Variants in RSU1 observed in about 807,000 individuals in gnomAD.
RSU1 encodes the protein Ras suppressor protein 1.
A neutral mutation model predicts 31.1 loss-of-function variants in RSU1; 26 were observed. The ratio of observed to expected loss-of-function variants is 0.84; its 90% confidence interval spans 0.61 to 1.16. RSU1 has a LOEUF of 1.16. RSU1 is among the 50% of genes most tolerant of loss of function. The pLI, the probability that RSU1 is intolerant of heterozygous loss-of-function variation, is 0.00. For synonymous variants in RSU1, 164 were observed against 136.3 expected (o/e 1.20, Z -1.41); for missense variants, 320 against 339.1 (o/e 0.94, Z 0.44).
intron 7 of RSU1, among the ~76,000 whole-genome samples, chr10:16,724,026 C>T (rs1836334030): frequency 6.6e-6 from 1 of 151,922 alleles, no homozygotes; most frequent in South Asian, 2.1e-4. Context: ...CTGCAACCTC[C>T]ATCTCCCGGG....
chr10:16,682,399 G>A (rs975885473), intron 8 of RSU1, among the ~76,000 whole-genome samples: 1 of 152,096 alleles, frequency 6.6e-6, no homozygotes, highest in Non-Finnish European at 1.5e-5. Flanking sequence ...CCCGATATCT[G>A]GAAAACAAAG....
intron 3 of RSU1, among the ~76,000 whole-genome samples, chr10:16,781,325 C>T (rs1043752679): frequency 1.3e-5 from 2 of 152,120 alleles, no homozygotes; most frequent in East Asian, 1.9e-4. Context: ...TAAGCAGATA[C>T]GTCTACTGTG....
At position 16,695,165 on chromosome 10, in the gene RSU1, GGGAAA is replaced by G; in HGVS notation, c.599-15_599-11del. 1 of 1,430,906 alleles carries G rather than the reference GGGAAA, an allele frequency of 7.0e-7. No individual in the cohort carries two copies. Among genetic ancestry groups the G allele is most frequent in the Non-Finnish European group, 9.4e-7 (1 of 1,068,424 alleles). 88.6% of individuals were successfully genotyped at this position (1,430,906 alleles called of 1,614,324 possible). ...GTTAAATCCAAGTTTCCTGGGGGGG[GGGAAA>G]AAAAAAGTGAAGGTCACTTCATCCA... On this transcript the variant is annotated splice_polypyrimidine_tract_variant and intron_variant, in intron 7 of 8. Coordinates refer to ENST00000345264, the MANE Select transcript of RSU1 (RefSeq NM_012425.4).
intron 8 of RSU1, among the ~76,000 whole-genome samples, chr10:16,594,127 T>C (rs1412431788): frequency 6.6e-6 from 1 of 152,258 alleles, no homozygotes. Context: ...AATTTATGAG[T>C]AATTCTGATT....
chr10:16,677,061 A>G (rs901684423), intron 8 of RSU1, among the ~76,000 whole-genome samples: 24 of 152,176 alleles, frequency 1.6e-4, no homozygotes, highest in African/African-American at 5.8e-4. Context: ...AAGAACCAGA[A>G]AAGTCAAATG....
At chr10:16,778,588 A>T (rs1226233258) in intron 3 of RSU1, among the ~76,000 whole-genome samples, 1 of 152,202 alleles carries the variant, frequency 6.6e-6, no homozygotes, top group East Asian at 1.9e-4. Flanking sequence ...GCCATGCTAG[A>T]GTTAAAGAGT....
intron 8 of RSU1, among the ~76,000 whole-genome samples, chr10:16,686,495 G>C (rs1835442523): frequency 6.6e-6 from 1 of 152,212 alleles, no homozygotes. Context: ...TCCTCTTGAA[G>C]AGAATGTAAC....
chr10:16,773,778 G>C (rs1837472481), intron 3 of RSU1, among the ~76,000 whole-genome samples: 1 of 152,096 alleles, frequency 6.6e-6, no homozygotes, highest in South Asian at 2.1e-4. Context: ...CACAGTGCTG[G>C]TTCAGTTGGA....
intron 8 of RSU1, among the ~76,000 whole-genome samples, chr10:16,594,071 C>T (rs918754321): frequency 2.0e-5 from 3 of 152,168 alleles, no homozygotes; most frequent in African/African-American, 7.2e-5. Context: ...AAGCTGGCTC[C>T]GTGGCTGAGA....
At chr10:16,685,359 A>G (rs1490613474) in intron 8 of RSU1, among the ~76,000 whole-genome samples, 2 of 152,252 alleles carry the variant, frequency 1.3e-5, no homozygotes, top group Admixed American at 1.3e-4. Flanking sequence ...GAAAGAATTC[A>G]GGGCGAGTCC....
intron 7 of RSU1, among the ~76,000 whole-genome samples, chr10:16,712,873 T>C (rs1335070928): frequency 6.6e-6 from 1 of 152,200 alleles, no homozygotes; most frequent in Non-Finnish European, 1.5e-5. Flanking sequence ...GCATTCCTTA[T>C]AAGGCCAACC....
At chr10:16,801,838 A>G (rs1838162059) in intron 2 of RSU1, among the ~76,000 whole-genome samples, 1 of 152,114 alleles carries the variant, frequency 6.6e-6, no homozygotes, top group African/African-American at 2.4e-5. Flanking sequence ...AATGAAAACG[A>G]AAATACTACT....
intron 4 of RSU1, among the ~76,000 whole-genome samples, chr10:16,757,689 C>T (rs112568060): frequency 0.021 from 3,265 of 152,330 alleles, 55 homozygotes; most frequent in Non-Finnish European, 0.032. Context: ...ATGAAGGCGA[C>T]ATGTGTCTGG....
At chr10:16,799,530 C>A (rs527705474) in intron 2 of RSU1, among the ~76,000 whole-genome samples, 390 of 144,710 alleles carry the variant, frequency 2.7e-3, no homozygotes, top group Non-Finnish European at 4.5e-3. Context: ...ACAACAAAAA[C>A]AACAACAAGT....
intron 8 of RSU1, among the ~76,000 whole-genome samples, chr10:16,693,512 ATGT>A (rs1835607671): frequency 6.6e-6 from 1 of 152,148 alleles, no homozygotes; most frequent in South Asian, 2.1e-4. Flanking sequence ...TCTTAACTAA[ATGT>A]GACCTTTAGC....
chr10:16,632,737 G>C (rs186245106), intron 8 of RSU1, among the ~76,000 whole-genome samples: 16 of 152,254 alleles, frequency 1.1e-4, no homozygotes, highest in Admixed American at 9.8e-4. Context: ...TCAGGGGTTT[G>C]AGACCAGACT....
chr10:16,692,700 A>T (rs1201006385), intron 8 of RSU1, among the ~76,000 whole-genome samples: 5 of 152,210 alleles, frequency 3.3e-5, no homozygotes, highest in Non-Finnish European at 7.3e-5. Context: ...TTCATAATTA[A>T]CTAATTTCTA....
At chr10:16,757,743 T>G (rs1483534857) in intron 4 of RSU1, among the ~76,000 whole-genome samples, 3 of 152,184 alleles carry the variant, frequency 2.0e-5, no homozygotes, top group African/African-American at 7.2e-5. Context: ...TCCAGACCCT[T>G]GGGCTCTGAT....
intron 7 of RSU1, among the ~76,000 whole-genome samples, chr10:16,740,331 A>T (rs76429708): frequency 0.013 from 1,991 of 152,308 alleles, 44 homozygotes; most frequent in African/African-American, 0.043. Context: ...CTGCAAACAA[A>T]AAATAGAAGG....
Sources: gnomAD v4.1 joint callset for allele counts (sites outside exome capture counted in the v4.1 genomes callset) on GRCh38, gnomAD v4.1.1 for gene constraint, MANE v1.5 for transcripts, NCBI Gene and HGNC (gene_info 2026-07-23, HGNC 2026-07-21) for gene names.